The following SLC24A3 variants were observed in gnomAD, a reference collection of about 807,000 sequenced individuals.
SLC24A3 encodes the protein sodium/potassium/calcium exchanger 3.
Under a neutral mutation model 75.8 loss-of-function variants are expected in SLC24A3, and 28 were observed. That is an observed-to-expected ratio of 0.37 (90% CI 0.27 to 0.51). The LOEUF (loss-of-function observed/expected upper bound fraction) is 0.51, where lower values mean the gene tolerates loss of function less well. SLC24A3 is among the 20% of genes least tolerant of loss of function. SLC24A3 has a pLI of 0.94. For synonymous variants in SLC24A3, 372 were observed against 334.1 expected (o/e 1.11, Z -1.24); for missense variants, 663 against 847.8 (o/e 0.78, Z 2.71).
chr20:19,654,048 C>T lies in SLC24A3; in HGVS notation c.613-14C>T, dbSNP rs1313737937. 1 of 1,606,938 alleles carries T rather than the reference C, an allele frequency of 6.2e-7. No homozygotes were observed. On this transcript the variant is annotated splice_polypyrimidine_tract_variant and intron_variant, in intron 6 of 16. Transcript: ENST00000328041. Reference sequence around the variant, plus strand: ...GTCTATATCCTGTTTGACTTTGTTTCCCTTGTCCTGCAGGTTGTGGCTCTT... The same window carrying T: ...GTCTATATCCTGTTTGACTTTGTTTTCCTTGTCCTGCAGGTTGTGGCTCTT...
intron 6 of SLC24A3, among the ~76,000 whole-genome samples, chr20:19,611,454 C>T (rs1175079386): frequency 6.6e-6 from 1 of 152,120 alleles, no homozygotes. Context: ...GCAGAGTAGC[C>T]CATACATGAT....
At chr20:19,452,325 G>A (rs1381438270) in intron 2 of SLC24A3, among the ~76,000 whole-genome samples, 2 of 150,156 alleles carry the variant, frequency 1.3e-5, no homozygotes, top group Non-Finnish European at 3.0e-5. Context: ...CTTGTTAATG[G>A]CAAATTTAGA....
chr20:19,575,019 G>A (rs1199347815), intron 3 of SLC24A3, among the ~76,000 whole-genome samples: 1 of 152,094 alleles, frequency 6.6e-6, no homozygotes, highest in Non-Finnish European at 1.5e-5. Context: ...GGAGGCCCAA[G>A]TGGGTAGATC....
chr20:19,412,730 T>C (rs1301154640), intron 2 of SLC24A3, among the ~76,000 whole-genome samples: 1 of 152,170 alleles, frequency 6.6e-6, no homozygotes, highest in African/African-American at 2.4e-5. Context: ...GGATGTCACT[T>C]TGACTTGATA....
chr20:19,595,131 G>A (rs377101993), intron 6 of SLC24A3, among the ~76,000 whole-genome samples: 1 of 152,242 alleles, frequency 6.6e-6, no homozygotes, highest in South Asian at 2.1e-4. Flanking sequence ...CAAGGCCAAG[G>A]GCAACAGGAA....
chr20:19,315,457 C>T (rs983897483), intron 2 of SLC24A3, among the ~76,000 whole-genome samples: 12 of 152,136 alleles, frequency 7.9e-5, no homozygotes, highest in Non-Finnish European at 1.6e-4. Context: ...TGGAAAGAGG[C>T]AAGATTTGTG....
intron 2 of SLC24A3, among the ~76,000 whole-genome samples, chr20:19,402,279 G>A (rs552633876): frequency 3.3e-5 from 5 of 152,316 alleles, no homozygotes; most frequent in East Asian, 3.9e-4. Flanking sequence ...TTCAGTTTAC[G>A]AAAGCAGATT....
At chr20:19,322,215 C>T (rs1442989830) in intron 2 of SLC24A3, among the ~76,000 whole-genome samples, 3 of 152,136 alleles carry the variant, frequency 2.0e-5, no homozygotes, top group Admixed American at 2.0e-4. Context: ...TCATCCTCTC[C>T]TAGATCTTTA....
intron 2 of SLC24A3, among the ~76,000 whole-genome samples, chr20:19,311,797 T>C (rs3790179): frequency 6.6e-6 from 1 of 152,304 alleles, no homozygotes; most frequent in Non-Finnish European, 1.5e-5. Context: ...TCTGCCACAC[T>C]TACTTTCCAC....
intron 7 of SLC24A3, among the ~76,000 whole-genome samples, chr20:19,657,859 C>G (rs77863843): frequency 0.029 from 4,367 of 152,160 alleles, 224 homozygotes; most frequent in African/African-American, 0.1. Context: ...TTCTGATTTC[C>G]CTTAGGTAAT....
intron 3 of SLC24A3, among the ~76,000 whole-genome samples, chr20:19,552,265 C>A (rs1162959787): frequency 1.3e-5 from 2 of 152,178 alleles, no homozygotes; most frequent in Non-Finnish European, 2.9e-5. Flanking sequence ...GGGCTCTGAA[C>A]AACTCCCCTC....
At chr20:19,651,487 G>T (rs1412307603) in intron 6 of SLC24A3, among the ~76,000 whole-genome samples, 1 of 150,932 alleles carries the variant, frequency 6.6e-6, no homozygotes, top group Non-Finnish European at 1.5e-5. Flanking sequence ...GAAGATTTAT[G>T]ATTATCTGCT....
At chr20:19,233,681 C>T (rs969332527) in intron 1 of SLC24A3, among the ~76,000 whole-genome samples, 5 of 152,282 alleles carry the variant, frequency 3.3e-5, no homozygotes, top group Middle Eastern at 3.4e-3. Flanking sequence ...CTATGAAGGA[C>T]GGTATAACTT....
At chr20:19,494,083 G>A (rs1600252374) in intron 2 of SLC24A3, among the ~76,000 whole-genome samples, 1 of 152,094 alleles carries the variant, frequency 6.6e-6, no homozygotes, top group East Asian at 2.0e-4. Flanking sequence ...TGTGACTGGA[G>A]ATCCTTCTTT....
intron 15 of SLC24A3, among the ~76,000 whole-genome samples, chr20:19,713,549 G>A (rs927114): frequency 0.69 from 104,218 of 151,948 alleles, 36,196 homozygotes; most frequent in East Asian, 0.94. Flanking sequence ...TCATTCATCA[G>A]TTACGTTTTA....
At position 19,505,637 on chromosome 20, in the gene SLC24A3, A is replaced by G. The variant is rs1169886477; in HGVS notation, c.272-9851A>G. Among the ~76,000 whole-genome samples, 4 of 151,996 alleles carry G rather than the reference A, an allele frequency of 2.6e-5. No homozygotes were observed. In the East Asian group the frequency reaches 7.7e-4, roughly 29 times the overall value. ...CAACCAGAGCTTAGTTGTGCTGGGA[A>G]CCCTTAACAGTGTAGAACACACCTC... On this transcript the variant is annotated intron_variant, in intron 2 of 16. Coordinates refer to ENST00000328041, the MANE Select transcript of SLC24A3 (RefSeq NM_020689.4).
intron 9 of SLC24A3, among the ~76,000 whole-genome samples, chr20:19,678,896 TC>T (rs926490529): frequency 6.9e-6 from 1 of 145,732 alleles, no homozygotes; most frequent in Admixed American, 6.8e-5. Flanking sequence ...TCTCCTCACA[TC>T]CGAAACGGAG....
chr20:19,225,788 G>T (rs1981853698), intron 1 of SLC24A3, among the ~76,000 whole-genome samples: 1 of 152,102 alleles, frequency 6.6e-6, no homozygotes, highest in Admixed American at 6.5e-5. Context: ...TTATGGCTGA[G>T]TAGTATTCCA....
At chr20:19,451,249 A>G (rs1220330396) in intron 2 of SLC24A3, among the ~76,000 whole-genome samples, 1 of 152,238 alleles carries the variant, frequency 6.6e-6, no homozygotes, top group African/African-American at 2.4e-5. Flanking sequence ...AGCTAGTGGC[A>G]GGATATCAGC....
Sources: gnomAD v4.1 joint callset for allele counts (sites outside exome capture counted in the v4.1 genomes callset) on GRCh38, gnomAD v4.1.1 for gene constraint, MANE v1.5 for transcripts, NCBI Gene and HGNC (gene_info 2026-07-23, HGNC 2026-07-21) for gene names.